Variants in CSMD1 observed in about 807,000 individuals in gnomAD.
The protein encoded by CSMD1 is CUB and sushi domain-containing protein 1.
CSMD1 carries 213 observed loss-of-function variants against 417.5 expected under a neutral mutation model. The ratio of observed to expected loss-of-function variants is 0.51; its 90% CI spans 0.46 to 0.57. CSMD1 has a LOEUF of 0.57. Among genes scored for constraint, CSMD1 ranks in the 20% least tolerant of loss-of-function variants. CSMD1 has a pLI of 0.00. For missense variants in CSMD1, 6,923 were observed against 4,529.7 expected, an observed-to-expected ratio of 1.53 and a Z score of -15.17; for synonymous variants, 2,862 against 1,736.8, an observed-to-expected ratio of 1.65 and a Z score of -16.11.
chr8:3,108,876 G>T, intron 43 of CSMD1, 128 bp from the exon 44 acceptor site: 1 of 890,626 alleles, frequency 1.1e-6, no homozygotes, highest in Non-Finnish European at 1.7e-6. Context: ...AGGATACTGT[G>T]TTTGTAAACA....
At chr8:4,403,708 A>G (rs1585022414) in intron 3 of CSMD1, among the ~76,000 whole-genome samples, 2 of 152,024 alleles carry the variant, frequency 1.3e-5, no homozygotes, top group East Asian at 3.9e-4. Context: ...TGACCTCTTC[A>G]TGTCACTCTC....
In CSMD1 at chr8:3,228,021, G is replaced by T. The variant is rs1798618225; in HGVS notation, c.4345+2019C>A. ...GATGTCAAGTGATCTGCCCGCCTTG[G>T]CCTCCTAAAGTGCTGGGATTACAGG... On this transcript the variant is annotated intron_variant, in intron 27 of 69. Coordinates refer to ENST00000635120, the MANE Select transcript of CSMD1 (RefSeq NM_033225.6). Among the ~76,000 whole-genome samples the T allele has an allele frequency of 2.0e-5, 3 of 152,094 alleles. No individual in the cohort carries two copies. The South Asian group carries it at 6.2e-4, about 32-fold the overall frequency.
At chr8:4,018,320 T>A (rs1051349911) in intron 4 of CSMD1, among the ~76,000 whole-genome samples, 1 of 152,250 alleles carries the variant, frequency 6.6e-6, no homozygotes, top group Non-Finnish European at 1.5e-5. Context: ...TATCAAGGCC[T>A]GGCTTAAATG....
chr8:4,306,812 T>C (rs1209924500), intron 3 of CSMD1, among the ~76,000 whole-genome samples: 1 of 147,292 alleles, frequency 6.8e-6, no homozygotes, highest in Non-Finnish European at 1.5e-5. Flanking sequence ...ATAGCACCAA[T>C]CAATCCCTAA....
chr8:4,511,999 G>A (rs958378232), intron 2 of CSMD1, among the ~76,000 whole-genome samples: 1 of 152,046 alleles, frequency 6.6e-6, no homozygotes, highest in South Asian at 2.1e-4. Flanking sequence ...AAAGAAAACT[G>A]CAGACCATCG....
chr8:3,208,333 G>C (rs10093195), intron 30 of CSMD1, among the ~76,000 whole-genome samples: 85,707 of 151,948 alleles, frequency 0.56, 24,347 homozygotes, highest in African/African-American at 0.59. Flanking sequence ...GTGGTGTGAT[G>C]TCAGCTCACT....
intron 3 of CSMD1, among the ~76,000 whole-genome samples, chr8:4,206,614 T>G (rs1268756229): frequency 6.6e-6 from 1 of 152,242 alleles, no homozygotes; most frequent in Non-Finnish European, 1.5e-5. Flanking sequence ...GTTCCAAGCT[T>G]TGCTACTGTG....
chr8:3,827,798 T>C lies in CSMD1; in HGVS notation c.819-73756A>G, dbSNP rs181900064. 2.1e-3 allele frequency among the ~76,000 whole-genome samples: 320 copies of C among 152,308 alleles called. 2 individuals carry two copies. Among genetic ancestry groups the C allele is most frequent in the African/African-American group, 6.2e-3 (258 of 41,562 alleles). On this transcript the variant is annotated intron_variant, in intron 5 of 69. Coordinates refer to ENST00000635120, the MANE Select transcript of CSMD1 (RefSeq NM_033225.6). ...AGACTATCCTATAAATTATTGCCAG[T>C]TACACAAATATGACACTGTAAAAGT...
At chr8:4,421,200 A>C (rs1395357847) in intron 2 of CSMD1, among the ~76,000 whole-genome samples, 1 of 152,204 alleles carries the variant, frequency 6.6e-6, no homozygotes, top group Non-Finnish European at 1.5e-5. Context: ...AGCGAACGCA[A>C]TACAGAAGAC....
rs150656227 is a variant in CSMD1 at position 4,530,461 on chromosome 8, A to G, written c.302+106881T>C. On this transcript the variant is annotated intron_variant, in intron 2 of 69. Coordinates refer to ENST00000635120, the MANE Select transcript of CSMD1 (RefSeq NM_033225.6). ...CATCTAGGTTTTAATCCCCACATGC[A>G]TTAGGTATTTGTCCTAACACTATCC... 8.8e-3 allele frequency among the ~76,000 whole-genome samples: 1,333 copies of G among 150,896 alleles called. 6 individuals carry two copies. Among genetic ancestry groups the G allele is most frequent in the Middle Eastern group, 0.014 (4 of 292 alleles).
chr8:4,745,171 T>G (rs1810872760), intron 1 of CSMD1, among the ~76,000 whole-genome samples: 2 of 152,190 alleles, frequency 1.3e-5, no homozygotes, highest in Non-Finnish European at 1.5e-5. Context: ...TGTAGGTAAG[T>G]TCTAATCAAT....
chr8:4,805,807 G>A (rs905340177), intron 1 of CSMD1, among the ~76,000 whole-genome samples: 1 of 152,118 alleles, frequency 6.6e-6, no homozygotes, highest in African/African-American at 2.4e-5. Context: ...ATGAAATGTG[G>A]TCCTGGAACA....
chr8:4,624,496 G>C (rs182774383), intron 2 of CSMD1, among the ~76,000 whole-genome samples: 48 of 152,234 alleles, frequency 3.2e-4, no homozygotes, highest in Admixed American at 9.2e-4. Context: ...GAGGTTGCAA[G>C]CGCTGCTACA....
Position 4,401,643 on chromosome 8 carries a change from C to T in CSMD1, c.415+18310G>A, listed in dbSNP as rs13281925. Among the ~76,000 whole-genome samples, 1,195 of 152,156 alleles carry T rather than the reference C, an allele frequency of 7.9e-3. 4 individuals carry two copies. The highest frequency in any genetic ancestry group is 0.011 in the Admixed American group (172 of 15,272). On this transcript the variant is annotated intron_variant, in intron 3 of 69. Coordinates refer to ENST00000635120, the MANE Select transcript of CSMD1 (RefSeq NM_033225.6). Reference sequence around the variant, plus strand: ...AGAATCCCGGATTCTGTGTCGTACCCGACCCTCCATCTCATTTTATTCTCA... The same window carrying T: ...AGAATCCCGGATTCTGTGTCGTACCTGACCCTCCATCTCATTTTATTCTCA...
intron 10 of CSMD1, among the ~76,000 whole-genome samples, chr8:3,573,387 C>T (rs963302588): frequency 1.3e-5 from 2 of 152,120 alleles, no homozygotes; most frequent in African/African-American, 4.8e-5. Context: ...GTTTGTACCA[C>T]TGTAGTTGAT....
chr8:4,948,567 G>C (rs550613789), intron 1 of CSMD1, among the ~76,000 whole-genome samples: 28 of 152,044 alleles, frequency 1.8e-4, no homozygotes, highest in African/African-American at 6.3e-4. Context: ...TTTATTCATA[G>C]TACCTTTATG....
chr8:4,171,680 T>C (rs1563219448), intron 3 of CSMD1, among the ~76,000 whole-genome samples: 1 of 152,034 alleles, frequency 6.6e-6, no homozygotes. Flanking sequence ...GGTAGAATAT[T>C]TAGAACAAAG....
At position 4,021,752 on chromosome 8, in the gene CSMD1, C is replaced by A. The variant is rs181897616; in HGVS notation, c.610+10153G>T. 1.8e-3 allele frequency among the ~76,000 whole-genome samples: 273 copies of A among 152,210 alleles called. 2 individuals carry two copies. Among genetic ancestry groups the A allele is most frequent in the African/African-American group, 6.0e-3 (250 of 41,532 alleles). On this transcript the variant is annotated intron_variant, in intron 4 of 69. Transcript: ENST00000635120. Reference sequence around the variant, plus strand: ...CCCTTTACCTATCCCCGTCCCCTCCCCAATAATCTTTATCTTGAGTGACAA... The same window carrying A: ...CCCTTTACCTATCCCCGTCCCCTCCACAATAATCTTTATCTTGAGTGACAA...
chr8:4,274,292 T>C (rs1796344619), intron 3 of CSMD1, among the ~76,000 whole-genome samples: 1 of 152,148 alleles, frequency 6.6e-6, no homozygotes, highest in African/African-American at 2.4e-5. Context: ...GCTTATAACG[T>C]GAAGTATCAC....
Sources: allele counts gnomAD v4.1 joint callset (sites outside exome capture counted in the v4.1 genomes callset), GRCh38; gene constraint gnomAD v4.1.1; transcripts MANE v1.5; gene names NCBI Gene and HGNC (gene_info 2026-07-23, HGNC 2026-07-21).